PTH1R: variants seen among roughly 807,000 people sequenced by gnomAD.
PTH1R encodes parathyroid hormone/parathyroid hormone-related peptide receptor.
Under a neutral mutation model 70.7 loss-of-function variants are expected in PTH1R, and 32 were observed. The ratio of observed to expected loss-of-function variants is 0.45; its 90% CI spans 0.34 to 0.61. The LOEUF is 0.61. PTH1R is among the 20% of genes least tolerant of loss of function. The pLI is 0.01. For missense variants in PTH1R, 626 were observed against 792.5 expected, an observed-to-expected ratio of 0.79 and a Z score of 2.52; for synonymous variants, 329 against 324.8, an observed-to-expected ratio of 1.01 and a Z score of -0.14.
In PTH1R at chr3:46,902,604, C is replaced by G. The variant is rs748517718; in HGVS notation, c.1290C>G (p.Thr430=). Reference sequence around the variant, plus strand: ...TTGTCTTCATGGCCACACCATACACCGAGGTCTCAGGGACGCTCTGGCAAG... The same window carrying G: ...TTGTCTTCATGGCCACACCATACACGGAGGTCTCAGGGACGCTCTGGCAAG... The part of the protein sequence containing the change: ...HYIVFMATPY[T]EVSGTLWQVQ... The change falls in exon 14 of 16, where the codon ACC becomes ACG. Residue 430 remains threonine, a synonymous_variant. Coordinates refer to ENST00000449590, the MANE Select transcript of PTH1R (RefSeq NM_000316.3). This position sits in a 1 kb window ranked among gnomAD's most constrained non-coding sequence, Gnocchi z 5.4. 1 of 1,613,802 alleles carries G rather than the reference C, an allele frequency of 6.2e-7. No homozygotes were observed. The highest frequency in any genetic ancestry group is 8.5e-7 in the Non-Finnish European group (1 of 1,180,036).
In PTH1R at chr3:46,883,193, G is replaced by GGGGGGCGGGGGGCGGGCC. The variant is rs1175980480; in HGVS notation, c.-48-305_-48-288dup. Among the ~76,000 whole-genome samples, 6 of 151,260 alleles carry GGGGGGCGGGGGGCGGGCC rather than the reference G, an allele frequency of 4.0e-5. No individual in the cohort carries two copies. Among genetic ancestry groups the GGGGGGCGGGGGGCGGGCC allele is most frequent in the African/African-American group, 1.2e-4 (5 of 41,264 alleles). On this transcript the variant is annotated intron_variant, in intron 2 of 15. Coordinates refer to ENST00000449590, the MANE Select transcript of PTH1R (RefSeq NM_000316.3). This position sits in a 1 kb window ranked among gnomAD's most constrained non-coding sequence, Gnocchi z 6.4. ...GAAAGAAAGAAAAGGCGGCGCGGGA[G>GGGGGGCGGGGGGCGGGCC]GGGGGCGGGGGGCGGGCCGGGGGCG...
intron 4 of PTH1R, 54 bp from the exon 5 acceptor site, chr3:46,895,681 G>A (rs2031708105): frequency 6.2e-7 from 1 of 1,613,114 alleles, no homozygotes. Context: ...GAGTACCCTG[G>A]GTCTCCTGTT....
rs1244177490 is a variant in PTH1R, at chr3:46,883,765, A to G, written c.75+131A>G. 8.5e-6 allele frequency: 9 copies of G among 1,060,376 alleles called. No homozygotes were observed. Among genetic ancestry groups the G allele is most frequent in the Non-Finnish European group, 1.2e-5 (9 of 728,576 alleles). 65.7% of individuals were successfully genotyped at this position (1,060,376 alleles called of 1,614,324 possible). A position where few individuals can be genotyped will look rare whatever the true frequency, so the allele number is the denominator to read the frequency against. On this transcript the variant is annotated intron_variant, in intron 3 of 15. Coordinates refer to ENST00000449590, the MANE Select transcript of PTH1R (RefSeq NM_000316.3). The surrounding 1 kb of genome is among the most constrained non-coding windows in gnomAD (Gnocchi z 6.4). ...TTTGGGTGAGAGTCCCCTCTGATCCAGGATCCTGGGTGCCTGCTGTCTCTG... is the reference window on the plus strand; with the variant it reads ...TTTGGGTGAGAGTCCCCTCTGATCCGGGATCCTGGGTGCCTGCTGTCTCTG...
rs1424228542 is a variant in PTH1R, at chr3:46,879,567, A to G, written c.-105-1495A>G. Reference sequence around the variant, plus strand: ...AGACCAGTCTAGGCAACAAAGTGAGACCTCGTCTCTACAAAAAAAAAATTT... The same window carrying G: ...AGACCAGTCTAGGCAACAAAGTGAGGCCTCGTCTCTACAAAAAAAAAATTT... On this transcript the variant is annotated intron_variant, in intron 1 of 15. Coordinates refer to ENST00000449590, the MANE Select transcript of PTH1R (RefSeq NM_000316.3). This position sits in a 1 kb window ranked among gnomAD's most constrained non-coding sequence, Gnocchi z 4.7. Among the ~76,000 whole-genome samples, 1 of 151,688 alleles carries G rather than the reference A, an allele frequency of 6.6e-6. No individual in the cohort carries two copies. Among genetic ancestry groups the G allele is most frequent in the Non-Finnish European group, 1.5e-5 (1 of 67,954 alleles).
In PTH1R at chr3:46,887,077, T is replaced by G. The variant is rs139339076; in HGVS notation, c.75+3443T>G. On this transcript the variant is annotated intron_variant, in intron 3 of 15. Transcript: ENST00000449590. ...AACATGGTGAAACCCCCATCTCTAC[T>G]AAGAATACAAAAATTAGCCACGCGT... 9.7e-3 allele frequency among the ~76,000 whole-genome samples: 1,478 copies of G among 151,978 alleles called. 23 individuals carry two copies. Among genetic ancestry groups the G allele is most frequent in the African/African-American group, 0.034 (1,402 of 41,412 alleles).
intron 3 of PTH1R, among the ~76,000 whole-genome samples, chr3:46,889,722 G>C (rs1404183931): frequency 6.6e-6 from 1 of 152,182 alleles, no homozygotes; most frequent in African/African-American, 2.4e-5. Flanking sequence ...AGTGTTGGGG[G>C]GATATGGGAC....
intron 1 of PTH1R, among the ~76,000 whole-genome samples, chr3:46,878,054 C>T (rs1024118508): frequency 4.6e-5 from 7 of 152,214 alleles, no homozygotes; most frequent in African/African-American, 1.7e-4. Context: ...ATACCTCTAG[C>T]TCCTTGGGAG....
At chr3:46,897,750 A>G in intron 5 of PTH1R, 105 bp from the exon 6 acceptor site, 2 of 1,121,256 alleles carry the variant, frequency 1.8e-6, no homozygotes, top group East Asian at 2.5e-5. Context: ...AAAACAAAAC[A>G]AAAACAAAAA....
At position 46,893,514 on chromosome 3, in the gene PTH1R, AC is replaced by A. The variant is rs2031554149; in HGVS notation, c.76-388del. On this transcript the variant is annotated intron_variant, in intron 3 of 15. Coordinates refer to ENST00000449590, the MANE Select transcript of PTH1R (RefSeq NM_000316.3). This position sits in a 1 kb window ranked among gnomAD's most constrained non-coding sequence, Gnocchi z 5.2. ...CCCCACAGTTCACCACTCCTTATCC[AC>A]CCCCTGCCCCCGACTCATGTCCCCA... is the stretch of plus-strand genomic sequence containing the variant. 6.6e-6 allele frequency among the ~76,000 whole-genome samples: 1 copy of A among 150,706 alleles called. No homozygotes were observed. The highest frequency in any genetic ancestry group is 2.4e-5 in the African/African-American group (1 of 40,848).
chr3:46,901,084 GGGTAGGTCCAGGT>G lies in PTH1R; in HGVS notation c.1049+2_1049+14del. ...TGTCAGAGCTACCCTGGCCAACACC[GGGTAGGTCCAGGT>G]GGAGAAGGGGCCCAGGCAAGAAGCA... On this transcript the variant is annotated splice_donor_variant and splice_donor_5th_base_variant and coding_sequence_variant and intron_variant, in exon 11 of 16. Coordinates refer to ENST00000449590, the MANE Select transcript of PTH1R (RefSeq NM_000316.3). LOFTEE classifies it high-confidence loss of function. The surrounding 1 kb of genome is among the most constrained non-coding windows in gnomAD (Gnocchi z 7.3). 6.3e-7 allele frequency: 1 copy of G among 1,575,848 alleles called. No individual in the cohort carries two copies. The highest frequency in any genetic ancestry group is 8.6e-7 in the Non-Finnish European group (1 of 1,159,344).
chr3:46,898,619 C>T (rs781336401), intron 8 of PTH1R, 43 bp from the exon 9 acceptor site: 5 of 1,607,894 alleles, frequency 3.1e-6, no homozygotes, highest in South Asian at 2.2e-5. Flanking sequence ...ACCCACCGCG[C>T]GTCCCCGTGC....
Position 46,879,136 on chromosome 3 carries a change from G to A in PTH1R, c.-106+1293G>A, listed in dbSNP as rs1204612656. Among the ~76,000 whole-genome samples the A allele has an allele frequency of 6.6e-6, 1 of 152,184 alleles. No homozygotes were observed. The highest frequency in any genetic ancestry group is 1.5e-5 in the Non-Finnish European group (1 of 68,042). On this transcript the variant is annotated intron_variant, in intron 1 of 15. Coordinates refer to ENST00000449590, the MANE Select transcript of PTH1R (RefSeq NM_000316.3). This position sits in a 1 kb window ranked among gnomAD's most constrained non-coding sequence, Gnocchi z 4.7. ...GTGGCCCCACCCACAGCTGTGGAATGTCCAGCAGGGGACTCTGGGGTGAGG... is the reference window on the plus strand; with the variant it reads ...GTGGCCCCACCCACAGCTGTGGAATATCCAGCAGGGGACTCTGGGGTGAGG...
intron 1 of PTH1R, among the ~76,000 whole-genome samples, chr3:46,878,350 C>G (rs1000318629): frequency 1.3e-5 from 2 of 151,998 alleles, no homozygotes; most frequent in Non-Finnish European, 2.9e-5. Context: ...CCAGAGGGGC[C>G]TAGAAGCCGA....
intron 1 of PTH1R, among the ~76,000 whole-genome samples, chr3:46,878,524 T>C (rs2030369106): frequency 6.6e-6 from 1 of 152,178 alleles, no homozygotes; most frequent in Admixed American, 6.5e-5. Context: ...AGCCTGACTT[T>C]GGGGCTAGTG....
Position 46,902,426 on chromosome 3 carries a change from T to C in PTH1R, c.1212-100T>C. On this transcript the variant is annotated intron_variant, in intron 13 of 15. Coordinates refer to ENST00000449590, the MANE Select transcript of PTH1R (RefSeq NM_000316.3). This position sits in a 1 kb window ranked among gnomAD's most constrained non-coding sequence, Gnocchi z 5.4. ...CATGGTGACTGGAGCCCTGGGCCCC[T>C]TTGAGCTTCCGGAGCCTGGGGCTCG... 1.3e-6 allele frequency: 2 copies of C among 1,520,206 alleles called. No individual in the cohort carries two copies. The highest frequency in any genetic ancestry group is 1.4e-5 in the African/African-American group (1 of 72,616). The allele number at this position is 1,520,206 out of a possible 1,614,324, so 94.2% of individuals were successfully genotyped here.
At position 46,903,494 on chromosome 3, in the gene PTH1R, A is replaced by G. The variant is rs2032255352; in HGVS notation, c.1620A>G (p.Pro540=). The change falls in exon 16 of 16, where the codon CCA becomes CCG. Residue 540 remains proline, a synonymous_variant. Transcript: ENST00000449590. This position sits in a 1 kb window ranked among gnomAD's most constrained non-coding sequence, Gnocchi z 4.4. The part of the protein sequence containing the change: ...GHPQLPGHAK[P]GTPALETLET... ...CTCAGCTGCCTGGCCATGCCAAGCC[A>G]GGGACCCCAGCCCTGGAGACCCTCG... 1.9e-6 allele frequency: 3 copies of G among 1,613,850 alleles called. No individual in the cohort carries two copies. The highest frequency in any genetic ancestry group is 2.7e-5 in the African/African-American group (2 of 75,016).
At chr3:46,898,501 G>A in intron 8 of PTH1R, 29 bp downstream of exon 8, 1 of 1,597,282 alleles carries the variant, frequency 6.3e-7, no homozygotes. Context: ...GAGGCGGCGG[G>A]ACATGGTGGA....
In PTH1R at chr3:46,898,808, G is replaced by A. The variant is rs759637426; in HGVS notation, c.785G>A (p.Arg262His). ...GAGCGCCTCACCGAGGAGGAGCTGC[G>A]CGCCATCGCCCAGGCGCCCCCGCCG... ...EAERLTEEELRAIAQAPPPPA... is the reference protein window; with the variant it reads ...EAERLTEEELHAIAQAPPPPA... Residue 262 changes from arginine to histidine, a missense_variant, in exon 9 of 16, where the codon CGC (arginine) becomes CAC (histidine). Physicochemically the swap from Arg to His is conservative, Grantham distance 29. Coordinates refer to ENST00000449590, the MANE Select transcript of PTH1R (RefSeq NM_000316.3). 6 of 1,586,166 alleles carry A rather than the reference G, an allele frequency of 3.8e-6. No individual in the cohort carries two copies. In the African/African-American group the frequency reaches 8.1e-5, roughly 21 times the overall value.
intron 3 of PTH1R, among the ~76,000 whole-genome samples, chr3:46,887,155 G>A (rs1383852307): frequency 2.0e-5 from 3 of 151,830 alleles, no homozygotes; most frequent in East Asian, 1.9e-4. Flanking sequence ...CAGGAGAATC[G>A]CTTGAACCCA....
Sources: allele counts gnomAD v4.1 joint callset (sites outside exome capture counted in the v4.1 genomes callset), GRCh38; gene constraint gnomAD v4.1.1; non-coding constraint Gnocchi (gnomAD v3.1); transcripts MANE v1.5; gene names NCBI Gene and HGNC (gene_info 2026-07-23, HGNC 2026-07-21).